Variants in WARS2 observed in about 807,000 individuals in gnomAD.
WARS2 encodes tryptophanyl tRNA synthetase 2, mitochondrial.
WARS2 carries 28 observed loss-of-function variants against 36.5 expected under a neutral mutation model. The observed-to-expected ratio is 0.77, with a 90% confidence interval of 0.57 to 1.05. The LOEUF (loss-of-function observed/expected upper bound fraction) is 1.05. WARS2 is among the 50% of genes least tolerant of loss of function. WARS2 has a pLI of 0.00. For missense variants in WARS2, 435 were observed against 456.8 expected (o/e 0.95, Z 0.44); for synonymous variants, 174 against 178.4 (o/e 0.98, Z 0.20).
At chr1:119,126,324 C>T (rs902897638) in intron 1 of WARS2, among the ~76,000 whole-genome samples, 2 of 150,946 alleles carry the variant, frequency 1.3e-5, no homozygotes, top group African/African-American at 4.9e-5. Flanking sequence ...ATCTAATTTA[C>T]AATTTCTAAT....
At chr1:119,088,360 A>G (rs1398446784) in intron 1 of WARS2, among the ~76,000 whole-genome samples, 1 of 151,952 alleles carries the variant, frequency 6.6e-6, no homozygotes, top group Non-Finnish European at 1.5e-5. Context: ...TGAAGCCATG[A>G]ATGAGAAACC....
intron 2 of WARS2, among the ~76,000 whole-genome samples, chr1:119,073,532 A>T (rs1338203311): frequency 6.6e-6 from 1 of 152,182 alleles, no homozygotes; most frequent in Admixed American, 6.5e-5. Context: ...TCCACAATGG[A>T]GCTGAAGTGA....
At chr1:119,137,196 T>C (rs1301774829) in intron 1 of WARS2, among the ~76,000 whole-genome samples, 5 of 152,182 alleles carry the variant, frequency 3.3e-5, no homozygotes, top group South Asian at 4.1e-4. Flanking sequence ...AACTGTATTA[T>C]GATTATTCAA....
At chr1:119,036,626 T>C (rs1438592127) in intron 4 of WARS2, among the ~76,000 whole-genome samples, 2 of 152,218 alleles carry the variant, frequency 1.3e-5, no homozygotes, top group African/African-American at 2.4e-5. Flanking sequence ...CAATACACTT[T>C]AAGCACATCA....
At chr1:119,090,889 T>C (rs1048043432) in intron 1 of WARS2, among the ~76,000 whole-genome samples, 1 of 152,126 alleles carries the variant, frequency 6.6e-6, no homozygotes, top group African/African-American at 2.4e-5. Context: ...AGCAAGATCC[T>C]GTCTCAAAAG....
Position 119,101,860 on chromosome 1 carries a change from C to A in WARS2, c.91-25253G>T, listed in dbSNP as rs368607673. ...ACAATGTGTGCTAGTTCTAACAACT[C>A]CTCCTTTTCATCCAGCACTGCCAAA... On this transcript the variant is annotated intron_variant, in intron 1 of 5. Coordinates refer to ENST00000235521, the MANE Select transcript of WARS2 (RefSeq NM_015836.4). Among the ~76,000 whole-genome samples, 11 of 152,218 alleles carry A rather than the reference C, an allele frequency of 7.2e-5. No individual in the cohort carries two copies. The East Asian group carries it at 1.9e-3, about 27-fold the overall frequency.
intron 2 of WARS2, among the ~76,000 whole-genome samples, chr1:119,066,867 C>T (rs768097860): frequency 6.6e-6 from 1 of 152,142 alleles, no homozygotes; most frequent in Non-Finnish European, 1.5e-5. Context: ...CATATATCCT[C>T]CTGAATGTAC....
In WARS2 at chr1:119,140,616, C is replaced by G. The variant is rs1656900804; in HGVS notation, c.29G>C (p.Arg10Pro). The G allele has an allele frequency of 6.2e-7, 1 of 1,613,734 alleles. No homozygotes were observed. The highest frequency in any genetic ancestry group is 2.2e-5 in the East Asian group (1 of 44,876). The part of the protein sequence containing the change: MALHSMRKA[R>P]ERWSFIRALH... ...TGCCCGGATGAAGCTCCAGCGCTCA[C>G]GCGCTTTCCGCATTGAGTGCAGCGC... The change falls in exon 1 of 6, where the codon CGT (arginine) becomes CCT (proline). Residue 10 changes from arginine to proline, a missense_variant. Coordinates refer to ENST00000235521, the MANE Select transcript of WARS2 (RefSeq NM_015836.4).
At chr1:119,088,679 G>T (rs74114807) in intron 1 of WARS2, among the ~76,000 whole-genome samples, 3,053 of 152,226 alleles carry the variant, frequency 0.02, 110 homozygotes, top group African/African-American at 0.07. Flanking sequence ...AGACATCTAT[G>T]ACAACAAGTA....
intron 1 of WARS2, among the ~76,000 whole-genome samples, chr1:119,132,798 CTAAT>C (rs1656214025): frequency 1.3e-5 from 2 of 152,142 alleles, no homozygotes; most frequent in South Asian, 2.1e-4. Context: ...CATCACCATT[CTAAT>C]TAATATACTA....
intron 2 of WARS2, among the ~76,000 whole-genome samples, chr1:119,070,401 G>A (rs1651201938): frequency 6.6e-6 from 1 of 151,916 alleles, no homozygotes; most frequent in East Asian, 2.0e-4. Flanking sequence ...AAGTAGCTGG[G>A]ACCACAGGCG....
intron 1 of WARS2, among the ~76,000 whole-genome samples, chr1:119,117,453 C>T (rs1392193805): frequency 6.6e-6 from 1 of 152,140 alleles, no homozygotes; most frequent in Non-Finnish European, 1.5e-5. Flanking sequence ...AGACTATATC[C>T]CCCTTCTACT....
At chr1:119,067,818 T>C (rs1650995225) in intron 2 of WARS2, among the ~76,000 whole-genome samples, 1 of 152,142 alleles carries the variant, frequency 6.6e-6, no homozygotes, top group South Asian at 2.1e-4. Context: ...TCTATTTTTT[T>C]TTTTTCACTA....
At chr1:119,085,144 T>C in intron 1 of WARS2, 2 of 788,280 alleles carry the variant, frequency 2.5e-6, no homozygotes, top group Non-Finnish European at 4.7e-6. Context: ...CTAGAAAGTG[T>C]GCCTGAGCTC....
At chr1:119,085,853 G>A (rs1437700597) in intron 1 of WARS2, 9 of 1,610,352 alleles carry the variant, frequency 5.6e-6, no homozygotes, top group Admixed American at 1.7e-5. Context: ...TCCAGGCACT[G>A]TCCTTGTACT....
At chr1:119,114,308 G>T (rs1654829467) in intron 1 of WARS2, among the ~76,000 whole-genome samples, 2 of 152,190 alleles carry the variant, frequency 1.3e-5, no homozygotes, top group Non-Finnish European at 2.9e-5. Context: ...TGCCCAAATG[G>T]AAGCTATGAG....
chr1:119,033,793 T>C (rs1571248025), intron 5 of WARS2, among the ~76,000 whole-genome samples: 1 of 152,214 alleles, frequency 6.6e-6, no homozygotes, highest in Admixed American at 6.5e-5. Context: ...TCAAGAAGCA[T>C]CTGTTCATAC....
intron 1 of WARS2, among the ~76,000 whole-genome samples, chr1:119,107,981 A>G (rs1339500815): frequency 6.6e-6 from 1 of 151,996 alleles, no homozygotes; most frequent in Non-Finnish European, 1.5e-5. Context: ...GATTGCATTC[A>G]TTGGTTTTCA....
At chr1:119,129,479 C>T (rs913616269) in intron 1 of WARS2, among the ~76,000 whole-genome samples, 8 of 152,124 alleles carry the variant, frequency 5.3e-5, no homozygotes, top group Non-Finnish European at 1.0e-4. Context: ...GAGGCTGAGG[C>T]AGGAACACCA....
Sources: allele counts gnomAD v4.1 joint callset (sites outside exome capture counted in the v4.1 genomes callset), GRCh38; gene constraint gnomAD v4.1.1; transcripts MANE v1.5; gene names NCBI Gene and HGNC (gene_info 2026-07-23, HGNC 2026-07-21).